TTC38: variants seen among roughly 807,000 people sequenced by gnomAD.
TTC38 encodes tetratricopeptide repeat protein 38.
A neutral mutation model predicts 64.2 loss-of-function variants in TTC38; 64 were observed. That is an observed-to-expected ratio of 1.00 (90% CI 0.81 to 1.23). TTC38 has a LOEUF of 1.23. Among genes scored for constraint, TTC38 ranks in the 50% most tolerant of loss-of-function variants. The pLI, the probability that TTC38 is intolerant of heterozygous loss-of-function variation, is 0.00. For synonymous variants in TTC38, 254 were observed against 249.3 expected (o/e 1.02, Z -0.18); for missense variants, 573 against 615.5 (o/e 0.93, Z 0.73).
At position 46,274,947 on chromosome 22, in the gene TTC38, C is replaced by T. The variant is rs1241673463; in HGVS notation, c.366-301C>T. Among the ~76,000 whole-genome samples, 1 of 152,112 alleles carries T rather than the reference C, an allele frequency of 6.6e-6. No homozygotes were observed. Among genetic ancestry groups the T allele is most frequent in the African/African-American group, 2.4e-5 (1 of 41,424 alleles). On this transcript the variant is annotated intron_variant, in intron 4 of 13. Coordinates refer to ENST00000381031, the MANE Select transcript of TTC38 (RefSeq NM_017931.4). This position sits in a 1 kb window ranked among gnomAD's most constrained non-coding sequence, Gnocchi z 4.8. ...AAGTGATTCTCCTGCCTCAGCCTCC[C>T]GGGTAGCTGGGATTACAGGCACATA...
Position 46,274,778 on chromosome 22 carries a change from A to C in TTC38, c.366-470A>C, listed in dbSNP as rs1936971702. 6.6e-6 allele frequency among the ~76,000 whole-genome samples: 1 copy of C among 151,100 alleles called. No homozygotes were observed. Among genetic ancestry groups the C allele is most frequent in the African/African-American group, 2.4e-5 (1 of 41,016 alleles). On this transcript the variant is annotated intron_variant, in intron 4 of 13. Coordinates refer to ENST00000381031, the MANE Select transcript of TTC38 (RefSeq NM_017931.4). This position sits in a 1 kb window ranked among gnomAD's most constrained non-coding sequence, Gnocchi z 4.8. ...ATTGAACTAAAGAGTAAAAGTTCCCACTGGGTTTTCAGTTTGTTTTCTGAT... is the reference window on the plus strand; with the variant it reads ...ATTGAACTAAAGAGTAAAAGTTCCCCCTGGGTTTTCAGTTTGTTTTCTGAT...
chr22:46,274,461 T>G lies in TTC38; in HGVS notation c.365+392T>G, dbSNP rs1936964485. On this transcript the variant is annotated intron_variant, in intron 4 of 13. Transcript: ENST00000381031. This position sits in a 1 kb window ranked among gnomAD's most constrained non-coding sequence, Gnocchi z 4.8. Reference sequence around the variant, plus strand: ...TCTTCACCCATAAGTTCCTTGCTCTTGCACTGACTTTCACATCATCCCCCC... The same window carrying G: ...TCTTCACCCATAAGTTCCTTGCTCTGGCACTGACTTTCACATCATCCCCCC... Among the ~76,000 whole-genome samples, 1 of 152,250 alleles carries G rather than the reference T, an allele frequency of 6.6e-6. No individual in the cohort carries two copies. Among genetic ancestry groups the G allele is most frequent in the Admixed American group, 6.5e-5 (1 of 15,292 alleles).
At chr22:46,285,079 C>G (rs1476063092) in intron 8 of TTC38, among the ~76,000 whole-genome samples, 162 bp from the exon 9 acceptor site, 1 of 151,998 alleles carries the variant, frequency 6.6e-6, no homozygotes, top group Non-Finnish European at 1.5e-5. Context: ...TCACCTTCTC[C>G]CATCCCGAAT....
rs61369977 is a variant in TTC38, at chr22:46,274,735, GTT to G, written c.366-499_366-498del. 2.8e-5 allele frequency among the ~76,000 whole-genome samples: 4 copies of G among 144,972 alleles called. No individual in the cohort carries two copies. The highest frequency in any genetic ancestry group is 1.0e-4 in the African/African-American group (4 of 40,012). On this transcript the variant is annotated intron_variant, in intron 4 of 13. Coordinates refer to ENST00000381031, the MANE Select transcript of TTC38 (RefSeq NM_017931.4). This position sits in a 1 kb window ranked among gnomAD's most constrained non-coding sequence, Gnocchi z 4.8. ...TTATCTTTGGCAATTTGTTAAACCA[GTT>G]TTTTTTTTTTTTTAAATTGAACTAA... is the stretch of plus-strand genomic sequence containing the variant.
chr22:46,272,429 T>C lies in TTC38; in HGVS notation c.193+13T>C. ...GATCCAACCTTTGGTGAGTAACGCC[T>C]TCCCTGGGTGGAGGAGCCCCGCTTC... On this transcript the variant is annotated intron_variant, in intron 3 of 13. Coordinates refer to ENST00000381031, the MANE Select transcript of TTC38 (RefSeq NM_017931.4). This position sits in a 1 kb window ranked among gnomAD's most constrained non-coding sequence, Gnocchi z 6.4. 6.2e-7 allele frequency: 1 copy of C among 1,608,436 alleles called. No homozygotes were observed. Among genetic ancestry groups the C allele is most frequent in the Non-Finnish European group, 8.5e-7 (1 of 1,175,148 alleles).
chr22:46,278,490 T>C, intron 5 of TTC38, 96 bp from the exon 6 acceptor site: 1 of 1,030,388 alleles, frequency 9.7e-7, no homozygotes, highest in Non-Finnish European at 1.5e-6. Flanking sequence ...TTCCCAGTGC[T>C]GGCAGTTAGG....
rs1422754299 is a variant in TTC38 at position 46,280,495 on chromosome 22, G to A, written c.616-1104G>A. ...CCACCACCCTTCACTCCTGCCATTC[G>A]TGAAAGCAGCATGCTTAGCAGGGTC... On this transcript the variant is annotated intron_variant, in intron 6 of 13. Transcript: ENST00000381031. 3.3e-5 allele frequency among the ~76,000 whole-genome samples: 5 copies of A among 152,246 alleles called. No homozygotes were observed. The East Asian group carries it at 7.7e-4, about 23-fold the overall frequency.
chr22:46,280,520 C>T (rs139787350), intron 6 of TTC38, among the ~76,000 whole-genome samples: 122 of 152,366 alleles, frequency 8.0e-4, no homozygotes, highest in African/African-American at 2.8e-3. Flanking sequence ...TTAGCAGGGT[C>T]CCGTCTCGGG....
At position 46,281,625 on chromosome 22, in the gene TTC38, A is replaced by G. The variant is rs922558194; in HGVS notation, c.642A>G (p.Ala214=). Residue 214 remains alanine (A), a synonymous_variant, in exon 7 of 14, where the codon GCA becomes GCG. Coordinates refer to ENST00000381031, the MANE Select transcript of TTC38 (RefSeq NM_017931.4). The surrounding 1 kb of genome is among the most constrained non-coding windows in gnomAD (Gnocchi z 5.2). ...CTTTATCTATTAACCCGACAGACGC[A>G]TGGTCGGTGCACACCGTCGCTCACA... ...KEALSINPTD[A]WSVHTVAHIH... 6.2e-7 allele frequency: 1 copy of G among 1,614,212 alleles called. No homozygotes were observed. The highest frequency in any genetic ancestry group is 8.5e-7 in the Non-Finnish European group (1 of 1,180,024).
intron 9 of TTC38, among the ~76,000 whole-genome samples, chr22:46,286,463 C>A (rs2077572202): frequency 6.6e-6 from 1 of 152,038 alleles, no homozygotes; most frequent in South Asian, 2.1e-4. Context: ...GAGTTCGAGA[C>A]CAACCTGGCC....
intron 10 of TTC38, 45 bp downstream of exon 10, chr22:46,287,199 C>T: frequency 1.3e-6 from 2 of 1,514,698 alleles, no homozygotes; most frequent in Non-Finnish European, 1.8e-6. Flanking sequence ...CTTCCTCCCA[C>T]ATCATGAGGA....
chr22:46,275,451 C>G lies in TTC38; in HGVS notation c.539+30C>G, dbSNP rs573707012. ...GTGCCAGCTGGAAATCACATTATTT[C>G]TGTTTCTTAATCTCTCTTTTCTGCC... On this transcript the variant is annotated intron_variant, in intron 5 of 13. Coordinates refer to ENST00000381031, the MANE Select transcript of TTC38 (RefSeq NM_017931.4). The surrounding 1 kb of genome is among the most constrained non-coding windows in gnomAD (Gnocchi z 4.5). 9.4e-5 allele frequency: 150 copies of G among 1,593,968 alleles called. 1 individual carries two copies. In the South Asian group the frequency reaches 1.7e-3, roughly 18 times the overall value.
rs547300620 is a variant in TTC38, at chr22:46,272,205, G to C, written c.112-130G>C. On this transcript the variant is annotated intron_variant, in intron 2 of 13. Coordinates refer to ENST00000381031, the MANE Select transcript of TTC38 (RefSeq NM_017931.4). The surrounding 1 kb of genome is among the most constrained non-coding windows in gnomAD (Gnocchi z 6.4). ...GGGGTTTTACCGTGTTGGTCAGGCT[G>C]GTCTCGAACTCCTGACCTCAGATGT... The C allele has an allele frequency of 1.6e-4, 101 of 646,674 alleles. No homozygotes were observed. In the African/African-American group the frequency reaches 1.7e-3, roughly 11 times the overall value. The allele number at this position is 646,674 out of a possible 1,614,324, so 40.1% of individuals were successfully genotyped here. A position where few individuals can be genotyped will look rare whatever the true frequency, so the allele number is the denominator to read the frequency against.
At chr22:46,284,058 T>C (rs1399052055) in intron 8 of TTC38, 26 bp downstream of exon 8, 7 of 1,584,790 alleles carry the variant, frequency 4.4e-6, no homozygotes, top group Non-Finnish European at 6.0e-6. Flanking sequence ...GTTTGCACTG[T>C]CTTATCCTAT....
At chr22:46,279,203 C>T (rs2077515576) in intron 6 of TTC38, among the ~76,000 whole-genome samples, 2 of 152,194 alleles carry the variant, frequency 1.3e-5, no homozygotes, top group South Asian at 4.1e-4. Flanking sequence ...TGGCAGGCTG[C>T]AGCTGTCAGG....
rs57859102 is a variant in TTC38 at position 46,276,824 on chromosome 22, A to AATATATATATAT, written c.539+1409_539+1420dup. Among the ~76,000 whole-genome samples the AATATATATATAT allele has an allele frequency of 1.9e-3, 268 of 139,534 alleles. 1 individual carries two copies. The highest frequency in any genetic ancestry group is 7.0e-3 in the African/African-American group (253 of 36,168). 91.5% of individuals were successfully genotyped at this position (139,534 alleles called of 152,430 possible). A position where few individuals can be genotyped will look rare whatever the true frequency, so the allele number is the denominator to read the frequency against. ...ATTATATATTAAAATATATATATTA[A>AATATATATATAT]ATATATATATATATATAAACATATA... On this transcript the variant is annotated intron_variant, in intron 5 of 13. Coordinates refer to ENST00000381031, the MANE Select transcript of TTC38 (RefSeq NM_017931.4). The surrounding 1 kb of genome is among the most constrained non-coding windows in gnomAD (Gnocchi z 4.7).
In TTC38 at chr22:46,272,060, T is replaced by G. The variant is rs552193067; in HGVS notation, c.112-275T>G. Among the ~76,000 whole-genome samples the G allele has an allele frequency of 3.5e-4, 54 of 152,310 alleles. No homozygotes were observed. Among genetic ancestry groups the G allele is most frequent in the African/African-American group, 1.3e-3 (52 of 41,568 alleles). On this transcript the variant is annotated intron_variant, in intron 2 of 13. Coordinates refer to ENST00000381031, the MANE Select transcript of TTC38 (RefSeq NM_017931.4). This position sits in a 1 kb window ranked among gnomAD's most constrained non-coding sequence, Gnocchi z 6.4. ...AGGCTGGAGTGCAGTGGCACAATCT[T>G]GGCTCATTGCAACCTCAGCCCCCGG...
Position 46,268,087 on chromosome 22 carries a change from C to T in TTC38, c.33+15C>T. ...GCGACTGCCAGGTACACGGAGGCTG[C>T]CCCCAACCAGGTCCCCCTCGGGCCC... On this transcript the variant is annotated intron_variant, in intron 1 of 13. Transcript: ENST00000381031. 1 of 1,538,752 alleles carries T rather than the reference C, an allele frequency of 6.5e-7. No individual in the cohort carries two copies. The highest frequency in any genetic ancestry group is 8.7e-7 in the Non-Finnish European group (1 of 1,148,596).
At chr22:46,278,918 A>G (rs554485388) in intron 6 of TTC38, among the ~76,000 whole-genome samples, 1 of 152,338 alleles carries the variant, frequency 6.6e-6, no homozygotes, top group East Asian at 1.9e-4. Context: ...GATGAGGTTG[A>G]TGGGGTACGG....
Sources: allele counts gnomAD v4.1 joint callset (sites outside exome capture counted in the v4.1 genomes callset), GRCh38; gene constraint gnomAD v4.1.1; non-coding constraint Gnocchi (gnomAD v3.1); transcripts MANE v1.5; gene names NCBI Gene and HGNC (gene_info 2026-07-23, HGNC 2026-07-21).